The following MGAT4C variants were observed in gnomAD, a reference collection of about 807,000 sequenced individuals.
MGAT4C encodes alpha-1,3-mannosyl-glycoprotein 4-beta-N-acetylglucosaminyltransferase C.
A neutral mutation model predicts 40.1 loss-of-function variants in MGAT4C; 19 were observed. The observed-to-expected ratio is 0.47, with a 90% CI of 0.33 to 0.70. The LOEUF (loss-of-function observed/expected upper bound fraction) is 0.70, where lower values mean the gene tolerates loss of function less well. Ranked by LOEUF, MGAT4C falls within the 30% of genes least tolerant of loss-of-function variation. The pLI, the probability that MGAT4C is intolerant of heterozygous loss-of-function variation, is 0.02. For synonymous variants in MGAT4C, 181 were observed against 187.1 expected, an observed-to-expected ratio of 0.97 and a Z score of 0.27; for missense variants, 491 against 563.2, an observed-to-expected ratio of 0.87 and a Z score of 1.30.
intron 2 of MGAT4C, among the ~76,000 whole-genome samples, chr12:86,566,560 A>ATG (rs1960119535): frequency 4.0e-5 from 5 of 124,000 alleles, no homozygotes; most frequent in Admixed American, 2.5e-4. Flanking sequence ...ATATATATAT[A>ATG]TATATATATA....
At chr12:86,349,852 T>C (rs1258809110) in intron 3 of MGAT4C, among the ~76,000 whole-genome samples, 1 of 152,132 alleles carries the variant, frequency 6.6e-6, no homozygotes, top group Non-Finnish European at 1.5e-5. Context: ...TTATCTGGAA[T>C]TGTTAAATTT....
chr12:86,212,881 G>T, intron 1 of MGAT4C, among the ~76,000 whole-genome samples: 1 of 40,402 alleles, frequency 2.5e-5, no homozygotes, highest in Admixed American at 4.9e-4. Flanking sequence ...GACAGAGCGA[G>T]ACTCCGTCTC....
At chr12:86,437,367 G>C (rs1957154441) in intron 2 of MGAT4C, among the ~76,000 whole-genome samples, 1 of 151,726 alleles carries the variant, frequency 6.6e-6, no homozygotes, top group African/African-American at 2.4e-5. Flanking sequence ...AACAGTTCAA[G>C]TATTACATAA....
Position 86,767,322 on chromosome 12 carries a change from T to C in MGAT4C, c.-261-40081A>G, listed in dbSNP as rs566884693. 1.2e-3 allele frequency among the ~76,000 whole-genome samples: 180 copies of C among 152,178 alleles called. 1 individual carries two copies. The highest frequency in any genetic ancestry group is 2.1e-3 in the Non-Finnish European group (143 of 68,022). ...CTCCCAAGACTAAACCAGGAAGAAG[T>C]TGAATCTCTGAATAGACCAAAACAG... On this transcript the variant is annotated intron_variant, in intron 1 of 7. Coordinates refer to the MGAT4C transcript ENST00000548651.
At chr12:86,393,079 T>C (rs1260496699) in intron 3 of MGAT4C, among the ~76,000 whole-genome samples, 1 of 152,136 alleles carries the variant, frequency 6.6e-6, no homozygotes, top group African/African-American at 2.4e-5. Flanking sequence ...GGGAAAATAA[T>C]ATTATCTTTC....
chr12:86,668,625 T>C (rs1014809050), intron 2 of MGAT4C, among the ~76,000 whole-genome samples: 2 of 152,160 alleles, frequency 1.3e-5, no homozygotes, highest in Admixed American at 6.5e-5. Flanking sequence ...CACAGGCATT[T>C]TAGTTTCAAG....
At chr12:86,648,456 G>T (rs377169032) in intron 2 of MGAT4C, among the ~76,000 whole-genome samples, 1 of 151,888 alleles carries the variant, frequency 6.6e-6, no homozygotes. Context: ...GGTCATGAGG[G>T]TGGGGCTTTC....
chr12:85,994,173 A>C (rs1413775246), intron 2 of MGAT4C, among the ~76,000 whole-genome samples: 1 of 152,226 alleles, frequency 6.6e-6, no homozygotes, highest in Non-Finnish European at 1.5e-5. Context: ...ATAAAACAAC[A>C]ACAAAACCCC....
intron 2 of MGAT4C, among the ~76,000 whole-genome samples, chr12:86,651,880 G>A (rs1028916959): frequency 9.2e-5 from 14 of 151,762 alleles, no homozygotes; most frequent in African/African-American, 3.4e-4. Flanking sequence ...ATATGTTAAG[G>A]ATTATTTTTA....
chr12:85,985,911 A>C (rs7397544), intron 3 of MGAT4C, among the ~76,000 whole-genome samples: 4,426 of 152,304 alleles, frequency 0.029, 96 homozygotes, highest in Middle Eastern at 0.068. Flanking sequence ...TACAGCACTA[A>C]ATTCATTTTA....
intron 1 of MGAT4C, among the ~76,000 whole-genome samples, chr12:86,782,305 C>G (rs561323494): frequency 6.7e-5 from 10 of 150,372 alleles, no homozygotes; most frequent in Non-Finnish European, 1.5e-4. Context: ...CCTCAGCCTC[C>G]CAAGTAGCTG....
intron 1 of MGAT4C, among the ~76,000 whole-genome samples, chr12:86,225,863 A>T (rs2135999757): frequency 6.6e-6 from 1 of 152,184 alleles, no homozygotes; most frequent in Admixed American, 6.5e-5. Context: ...AGTTGAAAGC[A>T]TTTCCTCTGA....
chr12:86,231,321 T>G (rs541904961), intron 1 of MGAT4C, among the ~76,000 whole-genome samples: 1 of 152,216 alleles, frequency 6.6e-6, no homozygotes, highest in East Asian at 1.9e-4. Context: ...TTATTTTGAT[T>G]CTTTTTATGA....
At chr12:86,057,527 G>A (rs748023056) in intron 1 of MGAT4C, among the ~76,000 whole-genome samples, 4 of 152,132 alleles carry the variant, frequency 2.6e-5, no homozygotes, top group Non-Finnish European at 5.9e-5. Flanking sequence ...ATGCTTCAGT[G>A]ACTTTGAACA....
chr12:86,110,300 C>CTATATATAGTCTATATATA (rs1592965353), intron 1 of MGAT4C, among the ~76,000 whole-genome samples: 40 of 12,206 alleles, frequency 3.3e-3, no homozygotes, highest in South Asian at 6.5e-3. Context: ...TATAGTCTCT[C>CTATATATAGTCTATATATA]TATATATATA....
chr12:86,673,686 A>C (rs1964320684), intron 2 of MGAT4C, among the ~76,000 whole-genome samples: 1 of 152,194 alleles, frequency 6.6e-6, no homozygotes, highest in Admixed American at 6.6e-5. Context: ...TATGTTCAAT[A>C]ACTTATTTCC....
chr12:86,332,478 C>T (rs996348209), intron 4 of MGAT4C, among the ~76,000 whole-genome samples: 8 of 151,732 alleles, frequency 5.3e-5, no homozygotes, highest in African/African-American at 1.9e-4. Flanking sequence ...AATCTAAGCA[C>T]ACAAAAATAA....
intron 1 of MGAT4C, among the ~76,000 whole-genome samples, chr12:86,079,228 A>C (rs1870368378): frequency 6.6e-6 from 1 of 152,190 alleles, no homozygotes; most frequent in Non-Finnish European, 1.5e-5. Context: ...GTACTTAGTT[A>C]ATATGGGTTT....
intron 2 of MGAT4C, among the ~76,000 whole-genome samples, chr12:86,596,180 G>T (rs996894218): frequency 6.9e-6 from 1 of 144,996 alleles, no homozygotes; most frequent in Non-Finnish European, 1.5e-5. Context: ...ATAATTATGA[G>T]ATAAATAAAA....
Sources: allele counts gnomAD v4.1 joint callset (sites outside exome capture counted in the v4.1 genomes callset), GRCh38; gene constraint gnomAD v4.1.1; transcripts MANE v1.5; gene names NCBI Gene and HGNC (gene_info 2026-07-23, HGNC 2026-07-21).